Variants in PARP4 observed in about 807,000 individuals in gnomAD.
The protein encoded by PARP4 is poly(ADP-ribose) polymerase family member 4.
Under a neutral mutation model 187.7 loss-of-function variants are expected in PARP4, and 120 were observed. The observed-to-expected ratio is 0.64, with a 90% confidence interval of 0.55 to 0.74. The LOEUF is 0.74. Ranked by LOEUF, PARP4 falls within the 30% of genes least tolerant of loss-of-function variation. The pLI, the probability that PARP4 is intolerant of heterozygous loss-of-function variation, is 0.00. For synonymous variants in PARP4, 654 were observed against 740.9 expected (o/e 0.88, Z 1.90); for missense variants, 1,836 against 2,070.5 (o/e 0.89, Z 2.20).
chr13:24,460,211 C>G, intron 17 of PARP4, 75 bp from the exon 18 acceptor site: 1 of 1,247,878 alleles, frequency 8.0e-7, no homozygotes, highest in Non-Finnish European at 1.1e-6. Flanking sequence ...CCACGTACTT[C>G]TTAAGCAACT....
chr13:24,503,328 T>C (rs902957910), intron 2 of PARP4, among the ~76,000 whole-genome samples: 16 of 152,238 alleles, frequency 1.1e-4, no homozygotes, highest in African/African-American at 3.9e-4. Flanking sequence ...CTGTGCACTA[T>C]GACTTTTCTC....
intron 12 of PARP4, among the ~76,000 whole-genome samples, chr13:24,483,594 C>T (rs1418362856): frequency 6.6e-6 from 1 of 152,084 alleles, no homozygotes; most frequent in Non-Finnish European, 1.5e-5. Context: ...CCTCAAACTC[C>T]TGAGTAGCTG....
intron 15 of PARP4, among the ~76,000 whole-genome samples, chr13:24,470,282 C>T (rs866997910): frequency 9.9e-5 from 15 of 152,216 alleles, no homozygotes; most frequent in Admixed American, 5.9e-4. Context: ...CCAACACTGA[C>T]TTAGCAGACG....
chr13:24,430,062 C>T (rs1481067280), intron 32 of PARP4, among the ~76,000 whole-genome samples: 4 of 152,164 alleles, frequency 2.6e-5, no homozygotes, highest in Non-Finnish European at 1.5e-5. Flanking sequence ...ATTCTCCTGG[C>T]CTTCAAAGAA....
At chr13:24,494,344 C>T (rs1251004495) in intron 7 of PARP4, among the ~76,000 whole-genome samples, 1 of 152,092 alleles carries the variant, frequency 6.6e-6, no homozygotes, top group Non-Finnish European at 1.5e-5. Flanking sequence ...TACAGGTACA[C>T]CACCATTCCT....
At chr13:24,435,877 A>G (rs557678258) in intron 30 of PARP4, among the ~76,000 whole-genome samples, 8 of 150,188 alleles carry the variant, frequency 5.3e-5, no homozygotes, top group Admixed American at 1.3e-4. Context: ...GATTTGCACT[A>G]CTGCTCTCCA....
chr13:24,423,858 G>A (rs1869884943), intron 33 of PARP4, among the ~76,000 whole-genome samples: 1 of 151,964 alleles, frequency 6.6e-6, no homozygotes, highest in Non-Finnish European at 1.5e-5. Flanking sequence ...GTGGAGACAG[G>A]GTCTTGCTAT....
At chr13:24,490,879 AATATTT>A (rs757659907) in intron 9 of PARP4, 51 bp from the exon 10 acceptor site, 4 of 1,425,558 alleles carry the variant, frequency 2.8e-6, no homozygotes, top group East Asian at 4.6e-5. Context: ...TATCAAAATT[AATATTT>A]ATATCACATT....
chr13:24,439,062 G>A (rs1228925991), intron 30 of PARP4, among the ~76,000 whole-genome samples: 1 of 152,192 alleles, frequency 6.6e-6, no homozygotes, highest in Non-Finnish European at 1.5e-5. Context: ...GGATCTGGAA[G>A]TATTAAGATC....
At chr13:24,491,798 C>T (rs758244201) in intron 9 of PARP4, among the ~76,000 whole-genome samples, 3 of 152,234 alleles carry the variant, frequency 2.0e-5, no homozygotes, top group Non-Finnish European at 4.4e-5. Flanking sequence ...AATCTCCTCA[C>T]CAGTGACTGG....
chr13:24,452,250 TCAGG>T, intron 24 of PARP4, 152 bp downstream of exon 24: 1 of 611,176 alleles, frequency 1.6e-6, no homozygotes, highest in African/African-American at 1.9e-5. Flanking sequence ...GTTCTGAGAC[TCAGG>T]CAGTCTGGCT....
chr13:24,458,889 GA>G (rs1872033604), intron 20 of PARP4, among the ~76,000 whole-genome samples, 154 bp downstream of exon 20: 1 of 152,188 alleles, frequency 6.6e-6, no homozygotes, highest in Admixed American at 6.5e-5. Flanking sequence ...ACTGTCTCTG[GA>G]AACTGGTCTG....
In PARP4 at chr13:24,505,003, C is replaced by CTT. The variant is rs34271210; in HGVS notation, c.-1-1228_-1-1227dup. 4.4e-3 allele frequency among the ~76,000 whole-genome samples: 573 copies of CTT among 129,738 alleles called. 6 individuals carry two copies. Among genetic ancestry groups the CTT allele is most frequent in the East Asian group, 0.019 (86 of 4,486 alleles). 85.1% of individuals were successfully genotyped at this position (129,738 alleles called of 152,430 possible). On this transcript the variant is annotated intron_variant, in intron 1 of 33. Coordinates refer to ENST00000381989, the MANE Select transcript of PARP4 (RefSeq NM_006437.4). Reference sequence around the variant, plus strand: ...AGCCACCGCACCTGGCACACCCCCGCTTTTTTTTTTTTTTTTTTGAGTCAG... The same window carrying CTT: ...AGCCACCGCACCTGGCACACCCCCGCTTTTTTTTTTTTTTTTTTTTGAGTCAG...
intron 1 of PARP4, among the ~76,000 whole-genome samples, chr13:24,505,332 C>T (rs73154390): frequency 0.11 from 16,653 of 152,062 alleles, 988 homozygotes; most frequent in African/African-American, 0.12. Context: ...GTCTGGGCAG[C>T]ATGGCTTGTT....
At chr13:24,421,776 T>A (rs1869759993) in intron 33 of PARP4, among the ~76,000 whole-genome samples, 1 of 152,302 alleles carries the variant, frequency 6.6e-6, no homozygotes, top group African/African-American at 2.4e-5. Flanking sequence ...TACATTCAGT[T>A]GTGTCACGTA....
In PARP4 at chr13:24,426,539, T is replaced by A; in HGVS notation, c.4906A>T (p.Ile1636Phe). 6.2e-7 allele frequency: 1 copy of A among 1,611,606 alleles called. No individual in the cohort carries two copies. Among genetic ancestry groups the A allele is most frequent in the South Asian group, 1.1e-5 (1 of 91,018 alleles). The change falls in exon 33 of 34, where the codon ATT (isoleucine) becomes TTT (phenylalanine). Residue 1636 changes from isoleucine (I) to phenylalanine (F), a missense_variant. Physicochemically the swap from Ile to Phe is conservative, Grantham distance 21. This residue lies in a region of PARP4 where 45 missense variants were observed against 53.1 expected (regional missense o/e 0.85). Coordinates refer to ENST00000381989, the MANE Select transcript of PARP4 (RefSeq NM_006437.4). ...LIATMLVLQF[I>F]RTRLEKEGIV... is the part of the protein sequence containing the mutation. Reference sequence around the variant, plus strand: ...CCCTCTTTTTCCAACCTGGTGCGAATAAACTGTAGTACCAGCATTGTGGCA... The same window carrying A: ...CCCTCTTTTTCCAACCTGGTGCGAAAAAACTGTAGTACCAGCATTGTGGCA...
chr13:24,422,617 A>T (rs1869803641), intron 33 of PARP4, among the ~76,000 whole-genome samples: 1 of 149,118 alleles, frequency 6.7e-6, no homozygotes, highest in Non-Finnish European at 1.5e-5. Flanking sequence ...AAAATATTTA[A>T]TTTTTTTTTT....
chr13:24,463,685 A>G (rs1234588029), intron 17 of PARP4, among the ~76,000 whole-genome samples: 3 of 152,192 alleles, frequency 2.0e-5, no homozygotes, highest in Non-Finnish European at 2.9e-5. Flanking sequence ...CCCACATCCA[A>G]TATCATACTG....
Position 24,494,755 on chromosome 13 carries a change from C to A in PARP4, c.592-33G>T. 2.7e-6 allele frequency: 4 copies of A among 1,455,518 alleles called. No homozygotes were observed. The South Asian group carries it at 3.8e-5, about 14-fold the overall frequency. 90.2% of individuals were successfully genotyped at this position (1,455,518 alleles called of 1,614,324 possible). On this transcript the variant is annotated intron_variant, in intron 6 of 33. Transcript: ENST00000381989. ...TTATGGTGTATAGCAAAAGTACAGTCATTATTTACATATCTAGCTTTATTG... is the reference window on the plus strand; with the variant it reads ...TTATGGTGTATAGCAAAAGTACAGTAATTATTTACATATCTAGCTTTATTG...
Sources: allele counts gnomAD v4.1 joint callset (sites outside exome capture counted in the v4.1 genomes callset), GRCh38; gene constraint gnomAD v4.1.1; regional missense constraint gnomAD v4.1.1; transcripts MANE v1.5; gene names NCBI Gene and HGNC (gene_info 2026-07-23, HGNC 2026-07-21).